Variants in GABBR2 observed in about 807,000 individuals in gnomAD.
GABBR2 encodes the protein gamma-aminobutyric acid type B receptor subunit 2.
Under a neutral mutation model 105.6 loss-of-function variants are expected in GABBR2, and 23 were observed. The observed-to-expected ratio is 0.22, with a 90% confidence interval of 0.16 to 0.31. The LOEUF (loss-of-function observed/expected upper bound fraction) is 0.31, where lower values mean the gene tolerates loss of function less well. Among genes scored for constraint, GABBR2 ranks in the 10% least tolerant of loss-of-function variants. The probability of loss-of-function intolerance (pLI) is 1.00; values close to 1 mark genes in which losing one functional copy is unlikely to be tolerated. For missense variants in GABBR2, 734 were observed against 1,245.5 expected, an observed-to-expected ratio of 0.59 and a Z score of 6.18; for synonymous variants, 478 against 499.7, an observed-to-expected ratio of 0.96 and a Z score of 0.58.
chr9:98,464,448 G>A (rs79822119), intron 6 of GABBR2, among the ~76,000 whole-genome samples: 1 of 149,998 alleles, frequency 6.7e-6, no homozygotes, highest in Admixed American at 6.6e-5. Flanking sequence ...CCCCAAATGG[G>A]AACTGAGGAG....
chr9:98,534,567 G>A (rs544911323), intron 3 of GABBR2, among the ~76,000 whole-genome samples: 13 of 152,150 alleles, frequency 8.5e-5, no homozygotes, highest in Admixed American at 4.6e-4. Flanking sequence ...TAAGAGGTAG[G>A]TGCTATTATT....
intron 3 of GABBR2, among the ~76,000 whole-genome samples, chr9:98,533,632 C>G (rs1215663895): frequency 6.6e-6 from 1 of 152,146 alleles, no homozygotes; most frequent in Non-Finnish European, 1.5e-5. Flanking sequence ...CTCATCTCAT[C>G]CCCCATCCAG....
At chr9:98,529,415 T>C (rs1828023185) in intron 3 of GABBR2, among the ~76,000 whole-genome samples, 1 of 152,222 alleles carries the variant, frequency 6.6e-6, no homozygotes, top group Non-Finnish European at 1.5e-5. Context: ...CTCCCTGCAT[T>C]GCTAAGAAGC....
intron 2 of GABBR2, among the ~76,000 whole-genome samples, chr9:98,567,484 G>T (rs571329602): frequency 1.3e-5 from 2 of 152,280 alleles, no homozygotes; most frequent in East Asian, 3.9e-4. Context: ...TAATTTTACT[G>T]TTCTGAATCA....
intron 1 of GABBR2, among the ~76,000 whole-genome samples, chr9:98,635,168 A>C (rs1829860686): frequency 6.6e-6 from 1 of 152,218 alleles, no homozygotes; most frequent in Non-Finnish European, 1.5e-5. Flanking sequence ...TATAAAGACA[A>C]TCTTTCCCTG....
chr9:98,560,562 ATATT>A (rs1828659039), intron 2 of GABBR2, among the ~76,000 whole-genome samples: 3 of 152,038 alleles, frequency 2.0e-5, no homozygotes, highest in Admixed American at 1.3e-4. Context: ...ATTTTGAAAA[ATATT>A]TAAAGAAGTT....
In GABBR2 at chr9:98,708,704, G is replaced by A. The variant is rs1229507395; in HGVS notation, c.34C>T (p.Pro12Ser). ...GGCGGCGGTGGCGGCGGCGGCGGCG[G>A]CCCGGGCTGCCCGGAGCTCCGCGGG... ...ASPRSSGQPG[P>S]PPPPPPPPAR... The change falls in exon 1 of 19, where the codon CCG (proline) becomes TCG (serine). Residue 12 changes from proline (P) to serine (S), a missense_variant. By Grantham distance (74) the Pro-to-Ser change is moderately conservative. Transcript: ENST00000259455. The A allele has an allele frequency of 2.4e-5, 24 of 1,001,576 alleles. 1 individual carries two copies. The South Asian group carries it at 9.4e-4, about 39-fold the overall frequency. The allele number at this position is 1,001,576 out of a possible 1,614,324, so 62.0% of individuals were successfully genotyped here. A position where few individuals can be genotyped will look rare whatever the true frequency, so the allele number is the denominator to read the frequency against.
intron 1 of GABBR2, among the ~76,000 whole-genome samples, chr9:98,639,636 A>G (rs555696364): frequency 1.4e-4 from 21 of 152,108 alleles, no homozygotes; most frequent in Admixed American, 1.3e-3. Flanking sequence ...ACCCACTTAC[A>G]ATGGTTCAAG....
At chr9:98,441,160 CTA>C (rs986387478) in intron 7 of GABBR2, among the ~76,000 whole-genome samples, 1 of 152,136 alleles carries the variant, frequency 6.6e-6, no homozygotes, top group Non-Finnish European at 1.5e-5. Flanking sequence ...GGGCTAATAA[CTA>C]TTTGGTTAGC....
At chr9:98,332,075 G>A (rs1052711216) in intron 13 of GABBR2, among the ~76,000 whole-genome samples, 5 of 152,190 alleles carry the variant, frequency 3.3e-5, no homozygotes. Context: ...GGGGTATGAA[G>A]GAGCCGAGCT....
intron 1 of GABBR2, among the ~76,000 whole-genome samples, chr9:98,583,343 T>C (rs1018635279): frequency 2.6e-5 from 4 of 152,214 alleles, no homozygotes; most frequent in Non-Finnish European, 5.9e-5. Flanking sequence ...TGGATCAGCT[T>C]AGAGTTTTTT....
In GABBR2 at chr9:98,551,175, C is replaced by T. The variant is rs149960432; in HGVS notation, c.460-9132G>A. 3.1e-4 allele frequency among the ~76,000 whole-genome samples: 47 copies of T among 152,116 alleles called. 1 individual carries two copies. In the East Asian group the frequency reaches 6.8e-3, roughly 22 times the overall value. ...CCCAGCACTTTGGGAGGCCGAGGTG[C>T]GTAGATCACTTGAGGTCGGCAATTT... On this transcript the variant is annotated intron_variant, in intron 2 of 18. Coordinates refer to ENST00000259455, the MANE Select transcript of GABBR2 (RefSeq NM_005458.8).
chr9:98,305,724 A>G (rs1036320185), intron 15 of GABBR2, among the ~76,000 whole-genome samples: 1 of 151,940 alleles, frequency 6.6e-6, no homozygotes, highest in African/African-American at 2.4e-5. Flanking sequence ...TTGAGGCAGG[A>G]GAATTGCTCG....
intron 3 of GABBR2, among the ~76,000 whole-genome samples, chr9:98,504,354 G>C (rs999809993): frequency 9.2e-5 from 14 of 152,182 alleles, no homozygotes; most frequent in Admixed American, 9.2e-4. Context: ...GTGGCTGGAG[G>C]CTGCAGAGAG....
chr9:98,601,211 A>G (rs1454345405), intron 1 of GABBR2, among the ~76,000 whole-genome samples: 1 of 152,252 alleles, frequency 6.6e-6, no homozygotes, highest in Non-Finnish European at 1.5e-5. Context: ...TTTCTCAAGT[A>G]AAGACATTAA....
chr9:98,568,467 G>C (rs1828780971), intron 2 of GABBR2, among the ~76,000 whole-genome samples: 2 of 152,198 alleles, frequency 1.3e-5, no homozygotes, highest in African/African-American at 4.8e-5. Flanking sequence ...AAAAGGAGAG[G>C]ACGGGCCTGC....
chr9:98,645,074 A>T (rs150307667), intron 1 of GABBR2, among the ~76,000 whole-genome samples: 73 of 152,286 alleles, frequency 4.8e-4, no homozygotes, highest in African/African-American at 1.7e-3. Context: ...CATTCTGGAC[A>T]GCTTTCCTGA....
chr9:98,576,912 A>G (rs553103477), intron 2 of GABBR2, among the ~76,000 whole-genome samples: 1 of 143,158 alleles, frequency 7.0e-6, no homozygotes, highest in African/African-American at 2.7e-5. Context: ...TGTTGGATGG[A>G]TGGATGGATG....
chr9:98,603,847 T>C (rs1179323773), intron 1 of GABBR2, among the ~76,000 whole-genome samples: 1 of 152,164 alleles, frequency 6.6e-6, no homozygotes, highest in Non-Finnish European at 1.5e-5. Flanking sequence ...GGACCATAAT[T>C]AGAGCAGCAT....
Sources: gnomAD v4.1 joint callset for allele counts (sites outside exome capture counted in the v4.1 genomes callset) on GRCh38, gnomAD v4.1.1 for gene constraint, MANE v1.5 for transcripts, NCBI Gene and HGNC (gene_info 2026-07-23, HGNC 2026-07-21) for gene names.